Variants in CCDC171 observed in about 807,000 individuals in gnomAD.
CCDC171 encodes the protein coiled-coil domain-containing protein 171.
Under a neutral mutation model 168.2 loss-of-function variants are expected in CCDC171, and 177 were observed. That is an observed-to-expected ratio of 1.05 (90% CI 0.93 to 1.19). CCDC171 has a LOEUF of 1.19. Ranked by LOEUF, CCDC171 falls within the 50% of genes most tolerant of loss-of-function variation. The pLI is 0.00. For missense variants in CCDC171, 1,991 were observed against 1,539.0 expected, an observed-to-expected ratio of 1.29 and a Z score of -4.91; for synonymous variants, 687 against 540.8, an observed-to-expected ratio of 1.27 and a Z score of -3.75.
intron 3 of CCDC171, among the ~76,000 whole-genome samples, chr9:15,995,926 G>A (rs1006657801): frequency 3.9e-5 from 6 of 152,066 alleles, no homozygotes; most frequent in Non-Finnish European, 7.4e-5. Context: ...GTATAGCTTT[G>A]TGCAGTGTTT....
chr9:15,686,811 C>T (rs986337116), intron 10 of CCDC171, among the ~76,000 whole-genome samples: 20 of 152,218 alleles, frequency 1.3e-4, no homozygotes, highest in South Asian at 8.3e-4. Flanking sequence ...AATAATATTT[C>T]GGGGCTTCAG....
the CCDC171 span, among the ~76,000 whole-genome samples, chr9:16,090,018 C>T: frequency 3.9e-5 from 6 of 152,190 alleles, no homozygotes; most frequent in Non-Finnish European, 8.8e-5. Flanking sequence ...GTGGCAATTC[C>T]TCAGGGATCT....
At chr9:15,848,583 GA>G (rs1164442061) in intron 22 of CCDC171, among the ~76,000 whole-genome samples, 3 of 151,566 alleles carry the variant, frequency 2.0e-5, no homozygotes, top group African/African-American at 7.3e-5. Context: ...ATGTAATTGT[GA>G]TTTTTTTCTT....
chr9:15,667,381 T>G (rs1463799015), intron 9 of CCDC171, among the ~76,000 whole-genome samples: 1 of 152,114 alleles, frequency 6.6e-6, no homozygotes, highest in Non-Finnish European at 1.5e-5. Flanking sequence ...CACGGTGGCT[T>G]ACACCTGTAA....
At chr9:15,907,273 G>A (rs1822817128) in intron 24 of CCDC171, among the ~76,000 whole-genome samples, 1 of 152,292 alleles carries the variant, frequency 6.6e-6, no homozygotes, top group African/African-American at 2.4e-5. Flanking sequence ...CAAGGCTACA[G>A]TAACCAAAAC....
At chr9:15,862,065 C>T (rs1239610412) in intron 23 of CCDC171, among the ~76,000 whole-genome samples, 1 of 151,270 alleles carries the variant, frequency 6.6e-6, no homozygotes, top group African/African-American at 2.4e-5. Context: ...ATGTTACTGC[C>T]TTCTGGCTTG....
chr9:15,789,470 G>T (rs1014784372), intron 21 of CCDC171, among the ~76,000 whole-genome samples: 2 of 152,144 alleles, frequency 1.3e-5, no homozygotes, highest in Admixed American at 1.3e-4. Flanking sequence ...ATAATCAATA[G>T]TATTCCATTG....
At chr9:15,805,910 T>C (rs1588613008) in intron 21 of CCDC171, among the ~76,000 whole-genome samples, 1 of 152,194 alleles carries the variant, frequency 6.6e-6, no homozygotes, top group East Asian at 1.9e-4. Context: ...TGAAGGTCTC[T>C]AAGAATGTGC....
At chr9:15,650,696 G>C (rs185797107) in intron 7 of CCDC171, among the ~76,000 whole-genome samples, 1 of 152,004 alleles carries the variant, frequency 6.6e-6, no homozygotes, top group Non-Finnish European at 1.5e-5. Flanking sequence ...AAAGTCCTTT[G>C]ATACACATGT....
At chr9:15,593,826 A>G (rs1055276871) in intron 5 of CCDC171, among the ~76,000 whole-genome samples, 1 of 152,044 alleles carries the variant, frequency 6.6e-6, no homozygotes, top group Non-Finnish European at 1.5e-5. Flanking sequence ...ATATATGCCT[A>G]TATAAACAAG....
In CCDC171 at chr9:15,586,550, GGAA is replaced by G. The variant is rs2041576167; in HGVS notation, c.353-4815_353-4813del. Among the ~76,000 whole-genome samples the G allele has an allele frequency of 2.6e-5, 4 of 152,266 alleles. No individual in the cohort carries two copies. In the South Asian group the frequency reaches 8.3e-4, roughly 32 times the overall value. On this transcript the variant is annotated intron_variant, in intron 4 of 25. Coordinates refer to ENST00000380701, the MANE Select transcript of CCDC171 (RefSeq NM_173550.4). ...TAAACTGGAAGCACCAGATACCATTGGAATTATGTATGGGAGTAGCAGTAGTGA... is the reference window on the plus strand; with the variant it reads ...TAAACTGGAAGCACCAGATACCATTGTTATGTATGGGAGTAGCAGTAGTGA...
the CCDC171 span, among the ~76,000 whole-genome samples, chr9:16,074,251 C>T: frequency 6.6e-6 from 1 of 152,150 alleles, no homozygotes; most frequent in East Asian, 1.9e-4. Flanking sequence ...GCATGTTTAT[C>T]TCCTTTGATA....
chr9:15,778,168 G>A (rs924447258), intron 19 of CCDC171, among the ~76,000 whole-genome samples: 39 of 150,828 alleles, frequency 2.6e-4, no homozygotes, highest in Non-Finnish European at 4.3e-4. Flanking sequence ...GCGGTGGCGG[G>A]CGCCTGTAGT....
At chr9:16,055,976 G>A (rs1833832632) in intron 1 of CCDC171, among the ~76,000 whole-genome samples, 1 of 152,146 alleles carries the variant, frequency 6.6e-6, no homozygotes. Context: ...GAAATATTCT[G>A]CAGCCATTTA....
At chr9:16,016,296 C>A (rs1216372772) in intron 3 of CCDC171, among the ~76,000 whole-genome samples, 1 of 152,100 alleles carries the variant, frequency 6.6e-6, no homozygotes, top group East Asian at 1.9e-4. Flanking sequence ...ATAGAAGAGA[C>A]TTCTATCTGG....
intron 3 of CCDC171, among the ~76,000 whole-genome samples, chr9:15,991,470 G>T (rs1411080189): frequency 6.7e-6 from 1 of 148,394 alleles, no homozygotes; most frequent in East Asian, 1.9e-4. Flanking sequence ...GCCCACAAGA[G>T]AAAACAGGAA....
intron 1 of CCDC171, among the ~76,000 whole-genome samples, chr9:16,055,262 G>C (rs1833819800): frequency 6.6e-6 from 1 of 152,164 alleles, no homozygotes; most frequent in Non-Finnish European, 1.5e-5. Flanking sequence ...TTAGTTCTGA[G>C]ATGCCCAGAG....
intron 24 of CCDC171, among the ~76,000 whole-genome samples, chr9:15,884,211 T>G (rs1034065685): frequency 6.6e-6 from 1 of 152,180 alleles, no homozygotes; most frequent in Non-Finnish European, 1.5e-5. Flanking sequence ...CATGTCAGTT[T>G]CCTCATCAGT....
At chr9:15,844,882 C>T (rs1314545261) in intron 21 of CCDC171, among the ~76,000 whole-genome samples, 1 of 152,032 alleles carries the variant, frequency 6.6e-6, no homozygotes, top group Admixed American at 6.6e-5. Flanking sequence ...GATCAGGAAG[C>T]TTCAGTCTGG....
Sources: allele counts gnomAD v4.1 joint callset (sites outside exome capture counted in the v4.1 genomes callset), GRCh38; gene constraint gnomAD v4.1.1; transcripts MANE v1.5; gene names NCBI Gene and HGNC (gene_info 2026-07-23, HGNC 2026-07-21).